Variants in OSBPL9 observed in about 807,000 individuals in gnomAD.
OSBPL9 encodes oxysterol-binding protein-related protein 9.
OSBPL9 carries 40 observed loss-of-function variants against 106.6 expected under a neutral mutation model. That is an observed-to-expected ratio of 0.38 (90% confidence interval 0.29 to 0.49). The LOEUF is 0.49. Among genes scored for constraint, OSBPL9 ranks in the 20% least tolerant of loss-of-function variants. OSBPL9 has a pLI of 0.97. For synonymous variants in OSBPL9, 269 were observed against 295.4 expected (o/e 0.91, Z 0.92); for missense variants, 609 against 887.2 (o/e 0.69, Z 3.98).
intron 8 of OSBPL9, among the ~76,000 whole-genome samples, chr1:51,752,019 T>C (rs1669353413): frequency 6.6e-6 from 1 of 152,240 alleles, no homozygotes; most frequent in South Asian, 2.1e-4. Flanking sequence ...ATTATATTTG[T>C]ACTGTATATG....
the OSBPL9 span, among the ~76,000 whole-genome samples, chr1:51,551,966 A>AGTGT: frequency 2.4e-5 from 2 of 83,206 alleles, no homozygotes; most frequent in Non-Finnish European, 5.0e-5. Flanking sequence ...GGTGAATAGA[A>AGTGT]ATGTGTGTGT....
At chr1:51,520,960 C>G in the OSBPL9 span, among the ~76,000 whole-genome samples, 1 of 152,216 alleles carries the variant, frequency 6.6e-6, no homozygotes, top group Non-Finnish European at 1.5e-5. Flanking sequence ...CTTTGGTACA[C>G]TTATCAGCCA....
rs77464907 is a variant in OSBPL9 at position 51,595,351 on chromosome 1, C to T, written c.-422-2773C>T. 6.6e-3 allele frequency among the ~76,000 whole-genome samples: 998 copies of T among 152,280 alleles called. 6 individuals are homozygous for T. The highest frequency in any genetic ancestry group is 0.023 in the African/African-American group (971 of 41,548). ...TCTCTGTCCCTCCATCCTCCCTTCC[C>T]TCTATCCTTCTATCCTTCCATCCAT... On this transcript the variant is annotated intron_variant, in intron 1 of 25. Transcript: ENST00000371714.
upstream of OSBPL9, among the ~76,000 whole-genome samples, chr1:51,612,511 C>T (rs554112054): frequency 2.6e-5 from 4 of 152,298 alleles, no homozygotes; most frequent in East Asian, 3.9e-4. Flanking sequence ...GAACTATAGC[C>T]GATGTGTCTC....
intron 3 of OSBPL9, among the ~76,000 whole-genome samples, chr1:51,689,803 C>G (rs1009974565): frequency 6.6e-6 from 1 of 152,178 alleles, no homozygotes; most frequent in Admixed American, 6.5e-5. Context: ...AAATTTGAAG[C>G]CTTCTGTTTC....
At chr1:51,711,199 C>G (rs1471576301) in intron 3 of OSBPL9, among the ~76,000 whole-genome samples, 1 of 151,416 alleles carries the variant, frequency 6.6e-6, no homozygotes, top group Admixed American at 6.6e-5. Flanking sequence ...GTCATCCTGG[C>G]CCGTTCTCAA....
the OSBPL9 span, chr1:51,569,746 G>A: frequency 6.6e-6 from 1 of 152,208 alleles, no homozygotes; most frequent in Non-Finnish European, 1.5e-5. Flanking sequence ...CACTGGTTTG[G>A]AGACCTAGAA....
Position 51,776,774 on chromosome 1 carries a change from TA to T in OSBPL9, c.1171-58del, listed in dbSNP as rs767269978. 7.6e-4 allele frequency: 827 copies of T among 1,084,948 alleles called. 1 individual carries two copies. Among genetic ancestry groups the T allele is most frequent in the Non-Finnish European group, 1.0e-3 (733 of 731,786 alleles). The allele number at this position is 1,084,948 out of a possible 1,614,324, so 67.2% of individuals were successfully genotyped here. ...TGTTTTGTTTTCTTTTTTTTTTTTT[TA>T]GTCTGTTTATCTGAAGAGAAATTTG... On this transcript the variant is annotated intron_variant, in intron 14 of 23. Transcript: ENST00000428468.
Position 51,745,610 on chromosome 1 carries a change from A to C in OSBPL9, c.393A>C (p.Gln131His). Reference sequence around the variant, plus strand: ...TTACAGAAGCTGATGCTTACCTACAAATCTTGATTGAACAATTAAAGGTAT... The same window carrying C: ...TTACAGAAGCTGATGCTTACCTACACATCTTGATTGAACAATTAAAGGTAT... ...KKLTEADAYL[Q>H]ILIEQLKLFD... is the part of the protein sequence containing the mutation. The change falls in exon 5 of 24, where the codon CAA (glutamine) becomes CAC (histidine). Residue 131 changes from glutamine (Q) to histidine (H), a missense_variant. Physicochemically the swap from Gln to His is conservative, Grantham distance 24. Around this residue, in one of 5 missense-constraint regions of OSBPL9, gnomAD observed 356 missense variants for 505.8 expected, o/e 0.70. Coordinates refer to ENST00000428468, the MANE Select transcript of OSBPL9 (RefSeq NM_024586.6). The C allele has an allele frequency of 3.1e-6, 5 of 1,592,388 alleles. No homozygotes were observed. Among genetic ancestry groups the C allele is most frequent in the Non-Finnish European group, 4.3e-6 (5 of 1,173,636 alleles).
chr1:51,532,100 C>T, the OSBPL9 span, among the ~76,000 whole-genome samples: 1 of 152,080 alleles, frequency 6.6e-6, no homozygotes, highest in Non-Finnish European at 1.5e-5. Flanking sequence ...CCTTGGTAAT[C>T]GTTTCAGGGG....
chr1:51,646,429 G>A (rs1646157256), intron 1 of OSBPL9, among the ~76,000 whole-genome samples: 1 of 152,136 alleles, frequency 6.6e-6, no homozygotes, highest in African/African-American at 2.4e-5. Flanking sequence ...AAATCTGAAA[G>A]TATAGAAATA....
In OSBPL9 at chr1:51,758,413, T is replaced by TC. The variant is rs577411428; in HGVS notation, c.582+2057dup. Among the ~76,000 whole-genome samples, 32 of 148,952 alleles carry TC rather than the reference T, an allele frequency of 2.1e-4. No individual in the cohort carries two copies. In the South Asian group the frequency reaches 6.8e-3, roughly 31 times the overall value. On this transcript the variant is annotated intron_variant, in intron 9 of 23. Transcript: ENST00000428468. Reference sequence around the variant, plus strand: ...ACACTGATTCGGGTAGACTGGAATCTCCTATTTTCAGAAAAAAAAAAAAAA... The same window carrying TC: ...ACACTGATTCGGGTAGACTGGAATCTCCCTATTTTCAGAAAAAAAAAAAAAA...
At chr1:51,676,817 C>T (rs992184128) in intron 3 of OSBPL9, among the ~76,000 whole-genome samples, 7 of 151,980 alleles carry the variant, frequency 4.6e-5, no homozygotes, top group African/African-American at 1.7e-4. Flanking sequence ...GACAAAAAAA[C>T]CCAATTGGGC....
chr1:51,744,946 G>A (rs1667675418), intron 4 of OSBPL9: 2 of 152,862 alleles, frequency 1.3e-5, no homozygotes, highest in Non-Finnish European at 2.9e-5. Context: ...TGCCAAGGGT[G>A]AAAGTGAGTA....
intron 4 of OSBPL9, among the ~76,000 whole-genome samples, chr1:51,743,312 G>GAGTTAAAA (rs1667323425): frequency 6.6e-6 from 1 of 152,136 alleles, no homozygotes; most frequent in Admixed American, 6.5e-5. Flanking sequence ...AGAAGGTTAT[G>GAGTTAAAA]GAAGACTATC....
chr1:51,679,134 G>A (rs1332737572), intron 3 of OSBPL9, among the ~76,000 whole-genome samples: 2 of 152,150 alleles, frequency 1.3e-5, no homozygotes, highest in Admixed American at 1.3e-4. Flanking sequence ...TGTATTGGGA[G>A]TTTGTTGTAT....
intron 2 of OSBPL9, among the ~76,000 whole-genome samples, chr1:51,605,981 GAA>G (rs1464787778): frequency 7.7e-6 from 1 of 129,418 alleles, no homozygotes; most frequent in South Asian, 2.4e-4. Context: ...AAGAAACAAA[GAA>G]AGAGAGCGAG....
upstream of OSBPL9, among the ~76,000 whole-genome samples, chr1:51,572,451 T>C (rs954062901): frequency 6.6e-6 from 1 of 152,178 alleles, no homozygotes; most frequent in Non-Finnish European, 1.5e-5. Context: ...TCATGGGAGT[T>C]AGCCCTAGGT....
At chr1:51,625,203 A>G (rs1000593287) in intron 1 of OSBPL9, among the ~76,000 whole-genome samples, 3 of 152,204 alleles carry the variant, frequency 2.0e-5, no homozygotes, top group African/African-American at 7.2e-5. Context: ...CTTCTGTTGC[A>G]AGCAGTTTTC....
Sources: gnomAD v4.1 joint callset for allele counts (sites outside exome capture counted in the v4.1 genomes callset) on GRCh38, gnomAD v4.1.1 for gene constraint, gnomAD v4.1.1 regional missense constraint, MANE v1.5 for transcripts, NCBI Gene and HGNC (gene_info 2026-07-23, HGNC 2026-07-21) for gene names.